Variants in MFRP observed in about 807,000 individuals in gnomAD.
MFRP encodes membrane frizzled-related protein.
A neutral mutation model predicts 65.8 loss-of-function variants in MFRP; 74 were observed. The ratio of observed to expected loss-of-function variants is 1.12; its 90% CI spans 0.93 to 1.36. The LOEUF is 1.36. MFRP is among the 40% of genes most tolerant of loss of function. The pLI, the probability that MFRP is intolerant of heterozygous loss-of-function variation, is 0.00. For missense variants in MFRP, 838 were observed against 736.0 expected, an observed-to-expected ratio of 1.14 and a Z score of -1.60; for synonymous variants, 336 against 288.3, an observed-to-expected ratio of 1.17 and a Z score of -1.68.
chr11:119,340,089 C>T, intron 14 of MFRP, 95 bp downstream of exon 14: 1 of 1,394,848 alleles, frequency 7.2e-7, no homozygotes, highest in South Asian at 1.5e-5. Context: ...GTGGCGCCCC[C>T]TGGCGGGAGA....
Position 119,346,297 on chromosome 11 carries a change from G to GCTGGCATCCTCT in MFRP, c.120_131dup (p.Ala43_Ser44insArgGluAspAla). ...CATGCCAGGGAGCTGGGACGCTGTA[G>GCTGGCATCCTCT]CTGGCATCCTCTGGGAAAACTGGGG... On this transcript the variant is annotated inframe_insertion, in exon 2 of 15. Transcript: ENST00000619721. The GCTGGCATCCTCT allele has an allele frequency of 6.2e-7, 1 of 1,613,800 alleles. No individual in the cohort carries two copies. The highest frequency in any genetic ancestry group is 1.3e-5 in the African/African-American group (1 of 75,008).
Position 119,342,658 on chromosome 11 carries a change from A to G in MFRP, c.1325T>C (p.Met442Thr). 8 of 1,613,620 alleles carry G rather than the reference A, an allele frequency of 5.0e-6. No homozygotes were observed. The highest frequency in any genetic ancestry group is 6.8e-6 in the Non-Finnish European group (8 of 1,179,916). ...GCKGVQWMCD[M>T]WRDCTDGSDD... ...GCTGCCATCGGTGCAGTCTCTCCAC[A>G]TGTCACACATCCACTGCACACCCTT... Residue 442 changes from methionine (M) to threonine (T), a missense_variant, in exon 11 of 15, where the codon ATG (methionine) becomes ACG (threonine). Transcript: ENST00000619721.
chr11:119,344,188 C>T (rs535045133), intron 8 of MFRP, 127 bp downstream of exon 8: 234 of 1,027,598 alleles, frequency 2.3e-4, no homozygotes, highest in African/African-American at 1.5e-3. Context: ...CCCCATCCCC[C>T]GTCTGCTTGA....
At chr11:119,341,824 C>A in intron 12 of MFRP, 33 bp downstream of exon 12, 1 of 1,611,468 alleles carries the variant, frequency 6.2e-7, no homozygotes, top group East Asian at 2.2e-5. Context: ...CCTCCCCTCC[C>A]AGGCCCGCCC....
In MFRP at chr11:119,346,255, C is replaced by T; in HGVS notation, c.157+17G>A. ...GGCCTCTCTGTCCTCCCCCAGGTCACCCCCTGGGATGGTTACCATGCCAGG... is the reference window on the plus strand; with the variant it reads ...GGCCTCTCTGTCCTCCCCCAGGTCATCCCCTGGGATGGTTACCATGCCAGG... On this transcript the variant is annotated intron_variant, in intron 2 of 14. Coordinates refer to ENST00000619721, the MANE Select transcript of MFRP (RefSeq NM_031433.4). 6.3e-7 allele frequency: 1 copy of T among 1,598,918 alleles called. No homozygotes were observed. The highest frequency in any genetic ancestry group is 8.5e-7 in the Non-Finnish European group (1 of 1,170,360).
chr11:119,340,046 C>A (rs1950485051), intron 14 of MFRP, 138 bp downstream of exon 14: 16 of 1,270,332 alleles, frequency 1.3e-5, no homozygotes, highest in Non-Finnish European at 1.7e-5. Flanking sequence ...CCGCCTGGGC[C>A]CCTCCCCCGC....
chr11:119,345,123 A>G (rs750246635), intron 5 of MFRP, 119 bp from the exon 6 acceptor site: 7 of 1,346,344 alleles, frequency 5.2e-6, no homozygotes, highest in African/African-American at 1.5e-5. Flanking sequence ...CATGTGGTCA[A>G]AAAGGCTCCT....
rs1228963643 is a variant in MFRP, at chr11:119,340,748, C to T, written c.*800G>A. On this transcript the variant is annotated 3_prime_UTR_variant, in exon 13 of 15. Transcript: ENST00000619721. ...TTCGGGGCGCTCGCTACTCCGGACC[C>T]TCCAGTTGGTGGTGCTCCAGCCCCC... 3.1e-6 allele frequency: 1 copy of T among 321,226 alleles called. No individual in the cohort carries two copies. The highest frequency in any genetic ancestry group is 5.8e-6 in the Non-Finnish European group (1 of 172,368). 19.9% of individuals were successfully genotyped at this position (321,226 alleles called of 1,614,324 possible).
chr11:119,346,027 G>A lies in MFRP; in HGVS notation c.271+19C>T, dbSNP rs774294837. On this transcript the variant is annotated intron_variant, in intron 3 of 14. Coordinates refer to ENST00000619721, the MANE Select transcript of MFRP (RefSeq NM_031433.4). ...TTTCATTCCAAAGCCCTCGTTTCAA[G>A]CTGTCCCCGGGTACTTACGGGCCAG... The A allele has an allele frequency of 1.2e-6, 2 of 1,612,456 alleles. No individual in the cohort carries two copies. The highest frequency in any genetic ancestry group is 2.2e-5 in the South Asian group (2 of 90,942).
At chr11:119,345,727 C>T (rs368642159) in intron 4 of MFRP, 46 bp downstream of exon 4, 38 of 1,613,046 alleles carry the variant, frequency 2.4e-5, no homozygotes, top group East Asian at 4.5e-5. Context: ...AACCCCACCC[C>T]GTCATCTTGG....
chr11:119,343,127 G>A, intron 9 of MFRP, 124 bp from the exon 10 acceptor site: 1 of 1,236,388 alleles, frequency 8.1e-7, no homozygotes, highest in South Asian at 1.3e-5. Flanking sequence ...GGAAGACACA[G>A]GGTTAGGGTC....
chr11:119,346,694 C>T lies in MFRP; in HGVS notation c.-181G>A, dbSNP rs1231226458. 8 of 672,938 alleles carry T rather than the reference C, an allele frequency of 1.2e-5. No individual in the cohort carries two copies. Among genetic ancestry groups the T allele is most frequent in the Non-Finnish European group, 2.2e-5 (8 of 371,958 alleles). The allele number at this position is 672,938 out of a possible 1,614,324, so 41.7% of individuals were successfully genotyped here. A position where few individuals can be genotyped will look rare whatever the true frequency, so the allele number is the denominator to read the frequency against. On this transcript the variant is annotated 5_prime_UTR_variant, in exon 1 of 15. Coordinates refer to ENST00000619721, the MANE Select transcript of MFRP (RefSeq NM_031433.4). ...AGAGTGGTTTGGCCTATGGGCTACT[C>T]TGTCTCTGTGTGGGGGAAGGGATGG...
Position 119,339,127 on chromosome 11 carries a change from T to C in MFRP, c.*1832A>G. 1 of 617,204 alleles carries C rather than the reference T, an allele frequency of 1.6e-6. No individual in the cohort carries two copies. 38.2% of individuals were successfully genotyped at this position (617,204 alleles called of 1,614,324 possible). A position where few individuals can be genotyped will look rare whatever the true frequency, so the allele number is the denominator to read the frequency against. ...ACACTCCTCTGGTCTTGGGCAGAAA[T>C]CCAGCCACTGCCCCATGCTGCCAGA... On this transcript the variant is annotated 3_prime_UTR_variant, in exon 15 of 15. Coordinates refer to ENST00000619721, the MANE Select transcript of MFRP (RefSeq NM_031433.4). The surrounding 1 kb of genome is among the most constrained non-coding windows in gnomAD (Gnocchi z 5.4).
At position 119,341,655 on chromosome 11, in the gene MFRP, C is replaced by A. The variant is rs910918145; in HGVS notation, c.1633G>T (p.Ala545Ser). 1.2e-6 allele frequency: 2 copies of A among 1,613,026 alleles called. No homozygotes were observed. The highest frequency in any genetic ancestry group is 2.7e-5 in the African/African-American group (2 of 75,070). ...LPPCRSVCQEAEHQCQSGLAL... is the reference protein window; with the variant it reads ...LPPCRSVCQESEHQCQSGLAL... ...AGGCCAGACTGGCACTGGTGCTCCG[C>A]TTCCTGGCAGACAGAGCGGCAAGGG... Residue 545 changes from alanine to serine, a missense_variant, in exon 13 of 15, where the codon GCG becomes TCG. Physicochemically the swap from Ala to Ser is moderately conservative, Grantham distance 99 (BLOSUM62 1). Coordinates refer to ENST00000619721, the MANE Select transcript of MFRP (RefSeq NM_031433.4).
In MFRP at chr11:119,346,705, T is replaced by G. The variant is rs1950574832; in HGVS notation, c.-192A>C. 2 of 651,230 alleles carry G rather than the reference T, an allele frequency of 3.1e-6. No homozygotes were observed. The highest frequency in any genetic ancestry group is 5.5e-6 in the Non-Finnish European group (2 of 361,000). 40.3% of individuals were successfully genotyped at this position (651,230 alleles called of 1,614,324 possible). On this transcript the variant is annotated 5_prime_UTR_variant, in exon 1 of 15. Transcript: ENST00000619721. ...GCCTATGGGCTACTCTGTCTCTGTG[T>G]GGGGGAAGGGATGGCAGCCAGGAGG...
intron 5 of MFRP, 28 bp from the exon 6 acceptor site, chr11:119,345,032 G>A (rs769142474): frequency 1.3e-6 from 2 of 1,592,424 alleles, no homozygotes; most frequent in East Asian, 2.3e-5. Context: ...GGGGGTGAGG[G>A]AGGCTCCAAG....
In MFRP at chr11:119,339,176, C is replaced by T. The variant is rs1950469707; in HGVS notation, c.*1783G>A. The stretch of plus-strand genomic sequence containing the variant: ...GACCTGATCGCAGACAGCCACTGTT[C>T]CCATTCCTTGCCAGCAGCAGGACGG... On this transcript the variant is annotated 3_prime_UTR_variant, in exon 15 of 15. Transcript: ENST00000619721. The surrounding 1 kb of genome is among the most constrained non-coding windows in gnomAD (Gnocchi z 5.4). The T allele has an allele frequency of 3.2e-5, 26 of 823,034 alleles. No individual in the cohort carries two copies. In the South Asian group the frequency reaches 4.5e-4, roughly 14 times the overall value. The allele number at this position is 823,034 out of a possible 1,614,324, so 51.0% of individuals were successfully genotyped here.
chr11:119,340,729 G>A lies in MFRP; in HGVS notation c.*819C>T. ...CGGCTCCCCGATGGCCTCCTTCGGG[G>A]CGCTCGCTACTCCGGACCCTCCAGT... On this transcript the variant is annotated 3_prime_UTR_variant, in exon 13 of 15. Coordinates refer to ENST00000619721, the MANE Select transcript of MFRP (RefSeq NM_031433.4). The A allele has an allele frequency of 2.6e-6, 1 of 378,092 alleles. No individual in the cohort carries two copies. The highest frequency in any genetic ancestry group is 2.8e-5 in the South Asian group (1 of 35,560). The allele number at this position is 378,092 out of a possible 1,614,324, so 23.4% of individuals were successfully genotyped here.
In MFRP at chr11:119,339,834, G is replaced by T. The variant is rs1430570765; in HGVS notation, c.*1125C>A. The stretch of plus-strand genomic sequence containing the variant: ...TCTCCTCGCGGCCCGGGGTCCCCTC[G>T]AGGTCCCGGCAGTCCTGCGGGGTAA... On this transcript the variant is annotated 3_prime_UTR_variant, in exon 15 of 15. Transcript: ENST00000619721. This position sits in a 1 kb window ranked among gnomAD's most constrained non-coding sequence, Gnocchi z 5.4. 3 of 1,504,862 alleles carry T rather than the reference G, an allele frequency of 2.0e-6. No individual in the cohort carries two copies. In the South Asian group the frequency reaches 3.8e-5, roughly 19 times the overall value. The allele number at this position is 1,504,862 out of a possible 1,614,324, so 93.2% of individuals were successfully genotyped here.
Sources: gnomAD v4.1 joint callset for allele counts on GRCh38, gnomAD v4.1.1 for gene constraint, Gnocchi (gnomAD v3.1) non-coding constraint, MANE v1.5 for transcripts, NCBI Gene and HGNC (gene_info 2026-07-23, HGNC 2026-07-21) for gene names.